Variants in KAT6A observed in about 807,000 individuals in gnomAD.
KAT6A encodes lysine acetyltransferase 6A, also known as histone acetyltransferase KAT6A.
Under a neutral mutation model 198.4 loss-of-function variants are expected in KAT6A, and 9 were observed. The observed-to-expected ratio is 0.05, with a 90% CI of 0.03 to 0.08. The LOEUF (loss-of-function observed/expected upper bound fraction) is 0.08, where lower values mean the gene tolerates loss of function less well. Ranked by LOEUF, KAT6A falls within the 10% of genes least tolerant of loss-of-function variation. The pLI is 1.00. For synonymous variants in KAT6A, 890 were observed against 883.0 expected (o/e 1.01, Z -0.14); for missense variants, 2,077 against 2,509.9 (o/e 0.83, Z 3.69).
rs143452263 is a variant in KAT6A at position 41,932,253 on chromosome 8, A to G, written c.5967T>C (p.Ala1989=). The change falls in exon 17 of 17, where the codon GCT becomes GCC. Residue 1989 remains alanine, a synonymous_variant. Transcript: ENST00000265713. ...TGAGTGACTGCTTGGGCACGCCAGCAGCGTTCATGTAGCTGTGATGGGAGG... is the reference window on the plus strand; with the variant it reads ...TGAGTGACTGCTTGGGCACGCCAGCGGCGTTCATGTAGCTGTGATGGGAGG... ...TGPSHHSYMN[A]AGVPKQSLNG... The G allele has an allele frequency of 8.3e-5, 134 of 1,613,536 alleles. No individual in the cohort carries two copies. In the African/African-American group the frequency reaches 1.6e-3, roughly 19 times the overall value.
At chr8:42,034,341 T>G (rs1032971050) in intron 2 of KAT6A, among the ~76,000 whole-genome samples, 2 of 152,148 alleles carry the variant, frequency 1.3e-5, no homozygotes, top group African/African-American at 4.8e-5. Context: ...AACAAGTTTT[T>G]GGGGGATACT....
intron 15 of KAT6A, among the ~76,000 whole-genome samples, chr8:41,938,377 T>C (rs534931397): frequency 2.0e-5 from 3 of 152,216 alleles, no homozygotes; most frequent in Non-Finnish European, 4.4e-5. Context: ...AAATTGGCAA[T>C]ACAAGTGCTA....
At chr8:41,992,863 T>C (rs1467564480) in intron 2 of KAT6A, among the ~76,000 whole-genome samples, 4 of 152,210 alleles carry the variant, frequency 2.6e-5, no homozygotes, top group Non-Finnish European at 5.9e-5. Flanking sequence ...GATCACTTTA[T>C]TACTACTTAA....
intron 15 of KAT6A, among the ~76,000 whole-genome samples, chr8:41,940,021 CA>C (rs1235451234): frequency 6.6e-6 from 1 of 152,038 alleles, no homozygotes; most frequent in Non-Finnish European, 1.5e-5. Context: ...ATTCTTAAAA[CA>C]AAACAAAACA....
At position 41,942,888 on chromosome 8, in the gene KAT6A, C is replaced by A; in HGVS notation, c.2341G>T (p.Val781Leu). The A allele has an allele frequency of 6.2e-7, 1 of 1,614,192 alleles. No individual in the cohort carries two copies. Among genetic ancestry groups the A allele is most frequent in the Non-Finnish European group, 8.5e-7 (1 of 1,180,040 alleles). The change falls in exon 14 of 17, where the codon GTG becomes TTG. Residue 781 changes from valine (V) to leucine (L), a missense_variant. Around this residue, in one of 13 missense-constraint regions of KAT6A, gnomAD observed 127 missense variants for 209.6 expected, o/e 0.61. Coordinates refer to ENST00000265713, the MANE Select transcript of KAT6A (RefSeq NM_006766.5). Reference sequence around the variant, plus strand: ...TCCTCTGAGACCACAGAGTTGGACACTATGACTGGAGTCCAGCGCAAACAT... The same window carrying A: ...TCCTCTGAGACCACAGAGTTGGACAATATGACTGGAGTCCAGCGCAAACAT... ...PECLRWTPVI[V>L]SNSVVSEEEE...
chr8:41,945,331 C>G (rs570038866), intron 12 of KAT6A, among the ~76,000 whole-genome samples: 2 of 148,370 alleles, frequency 1.3e-5, no homozygotes, highest in Non-Finnish European at 3.0e-5. Flanking sequence ...AGTGCAGTGG[C>G]GTGATCTTGG....
Position 41,940,834 on chromosome 8 carries a change from T to C in KAT6A, c.3039+8A>G. The C allele has an allele frequency of 1.9e-6, 3 of 1,599,654 alleles. No homozygotes were observed. Among genetic ancestry groups the C allele is most frequent in the Middle Eastern group, 1.7e-4 (1 of 6,002 alleles). Reference sequence around the variant, plus strand: ...GAGGAAGAGAAGACCTGGAAAGAAATGCGTTACCTTTCGCTTCAGCGTGGG... The same window carrying C: ...GAGGAAGAGAAGACCTGGAAAGAAACGCGTTACCTTTCGCTTCAGCGTGGG... On this transcript the variant is annotated splice_region_variant and intron_variant, in intron 15 of 16. Coordinates refer to ENST00000265713, the MANE Select transcript of KAT6A (RefSeq NM_006766.5).
At chr8:42,039,744 T>G (rs897686796) in intron 2 of KAT6A, among the ~76,000 whole-genome samples, 1 of 152,058 alleles carries the variant, frequency 6.6e-6, no homozygotes, top group Non-Finnish European at 1.5e-5. Context: ...TAATTTTTGT[T>G]TTTTTTTGAG....
chr8:42,037,691 C>CT (rs35961436), intron 2 of KAT6A, among the ~76,000 whole-genome samples: 96,827 of 140,858 alleles, frequency 0.69, 33,570 homozygotes, highest in African/African-American at 0.84. Context: ...ACATTGAAAG[C>CT]TTTTTTTTTT....
chr8:41,933,646 T>C lies in KAT6A; in HGVS notation c.4574A>G (p.Gln1525Arg), dbSNP rs780721965. 2 of 1,614,166 alleles carry C rather than the reference T, an allele frequency of 1.2e-6. No homozygotes were observed. Among genetic ancestry groups the C allele is most frequent in the South Asian group, 2.2e-5 (2 of 91,084 alleles). ...EQGSLSAPSM[Q>R]NMETSPMMDV... ...CATCATGGGGCTGGTCTCCATGTTC[T>C]GCATAGAGGGTGCGGACAGGGATCC... The change falls in exon 17 of 17, where the codon CAG becomes CGG. Residue 1525 changes from glutamine (Q) to arginine (R), a missense_variant. Physicochemically the swap from Gln to Arg is conservative, Grantham distance 43. Transcript: ENST00000265713. This position sits in a 1 kb window ranked among gnomAD's most constrained non-coding sequence, Gnocchi z 6.2.
chr8:42,042,682 A>G (rs1827724445), intron 2 of KAT6A, among the ~76,000 whole-genome samples: 1 of 152,166 alleles, frequency 6.6e-6, no homozygotes, highest in South Asian at 2.1e-4. Flanking sequence ...CTGAACAATA[A>G]CATTAGTTGA....
intron 6 of KAT6A, 50 bp downstream of exon 6, chr8:41,978,592 G>A: frequency 6.3e-7 from 1 of 1,593,452 alleles, no homozygotes; most frequent in Non-Finnish European, 8.6e-7. Flanking sequence ...CTACACTATA[G>A]AGAAGACCCT....
chr8:41,961,751 C>CA (rs913470847), intron 8 of KAT6A, among the ~76,000 whole-genome samples: 1,912 of 45,956 alleles, frequency 0.042, 64 homozygotes, highest in African/African-American at 0.061. Context: ...GACTCCATCT[C>CA]AAAAAAAAAA....
chr8:41,977,298 G>A lies in KAT6A; in HGVS notation c.1073C>T (p.Thr358Ile), dbSNP rs780703737. Residue 358 changes from threonine to isoleucine, a missense_variant, in exon 7 of 17, where the codon ACT becomes ATT. Thr to Ile is a moderately conservative substitution (Grantham distance 89). Transcript: ENST00000265713. Reference sequence around the variant, plus strand: ...TCGTTTCCTACCCCTTCCAGGGCCAGTTCGAACTTTGCTGAAGGGACCTTT... The same window carrying A: ...TCGTTTCCTACCCCTTCCAGGGCCAATTCGAACTTTGCTGAAGGGACCTTT... ...VSKGPFSKVR[T>I]GPGRGRKRKI... 1 of 1,613,932 alleles carries A rather than the reference G, an allele frequency of 6.2e-7. No individual in the cohort carries two copies. Among genetic ancestry groups the A allele is most frequent in the Non-Finnish European group, 8.5e-7 (1 of 1,179,822 alleles).
intron 2 of KAT6A, among the ~76,000 whole-genome samples, chr8:42,018,337 C>T (rs944495834): frequency 2.0e-5 from 3 of 151,850 alleles, no homozygotes; most frequent in African/African-American, 7.3e-5. Context: ...GGAGTTCAAA[C>T]CCAGTCTCTA....
At chr8:42,022,903 CAT>C in intron 2 of KAT6A, among the ~76,000 whole-genome samples, 1 of 152,206 alleles carries the variant, frequency 6.6e-6, no homozygotes, top group East Asian at 1.9e-4. Context: ...AAGATACAGT[CAT>C]GTGTCGCTTA....
intron 2 of KAT6A, among the ~76,000 whole-genome samples, chr8:42,000,745 C>A (rs1055237710): frequency 6.6e-6 from 1 of 152,104 alleles, no homozygotes; most frequent in Non-Finnish European, 1.5e-5. Context: ...ATAACTGATA[C>A]ATATCTGATA....
intron 2 of KAT6A, among the ~76,000 whole-genome samples, chr8:42,029,888 C>A (rs1372460708): frequency 6.6e-6 from 1 of 151,836 alleles, no homozygotes; most frequent in Admixed American, 6.6e-5. Context: ...CATTGTGTAC[C>A]CTTGTATTTC....
intron 2 of KAT6A, among the ~76,000 whole-genome samples, chr8:41,988,297 A>G (rs1266735998): frequency 6.6e-6 from 1 of 152,244 alleles, no homozygotes; most frequent in Non-Finnish European, 1.5e-5. Context: ...GGGGAAAAAA[A>G]ATAAAAGAAA....
Sources: allele counts gnomAD v4.1 joint callset (sites outside exome capture counted in the v4.1 genomes callset), GRCh38; gene constraint gnomAD v4.1.1; regional missense constraint gnomAD v4.1.1; non-coding constraint Gnocchi (gnomAD v3.1); transcripts MANE v1.5; gene names NCBI Gene and HGNC (gene_info 2026-07-23, HGNC 2026-07-21).